PIH1D1: variants seen among roughly 807,000 people sequenced by gnomAD.
PIH1D1 encodes the protein PIH1 domain-containing protein 1.
PIH1D1 carries 28 observed loss-of-function variants against 38.5 expected under a neutral mutation model. The ratio of observed to expected loss-of-function variants is 0.73; its 90% CI spans 0.54 to 1.00. The LOEUF (loss-of-function observed/expected upper bound fraction) is 1.00. PIH1D1 is among the 50% of genes least tolerant of loss of function. The probability of loss-of-function intolerance (pLI) is 0.00; values close to 1 mark genes in which losing one functional copy is unlikely to be tolerated. For missense variants in PIH1D1, 343 were observed against 369.9 expected (o/e 0.93, Z 0.60); for synonymous variants, 155 against 153.5 (o/e 1.01, Z -0.07).
chr19:49,446,911 G>C, intron 7 of PIH1D1, 113 bp downstream of exon 7: 1 of 1,136,504 alleles, frequency 8.8e-7, no homozygotes, highest in Non-Finnish European at 1.3e-6. Context: ...CCTCCTGGCA[G>C]AGAGGACGCA....
intron 2 of PIH1D1, 91 bp downstream of exon 2, chr19:49,450,691 C>CCCCCCCCTTT: frequency 1.4e-6 from 1 of 718,202 alleles, no homozygotes; most frequent in Non-Finnish European, 2.2e-6. Flanking sequence ...CACCCCCACC[C>CCCCCCCCTTT]TAGGCCTTTA....
chr19:49,451,385 T>C (rs772680700), intron 1 of PIH1D1, 100 bp downstream of exon 1: 14 of 1,537,352 alleles, frequency 9.1e-6, no homozygotes, highest in Non-Finnish European at 1.2e-5. Flanking sequence ...CCCCGAGGCC[T>C]GGTTCCCGCC....
rs2293011 is a variant in PIH1D1 at position 49,451,759 on chromosome 19, G to T, written c.-185C>A. On this transcript the variant is annotated 5_prime_UTR_variant, in exon 1 of 9. Transcript: ENST00000262265. ...GACCGAACACCATCGTCAAATCCGT[G>T]GGGAATATGTGTCTCTAGACGCACT... 1,038,535 of 1,408,056 alleles carry T rather than the reference G, an allele frequency of 0.74. 388,477 individuals are homozygous for T. The highest frequency in any genetic ancestry group is 0.86 in the Middle Eastern group (4,626 of 5,404). The allele number at this position is 1,408,056 out of a possible 1,614,324, so 87.2% of individuals were successfully genotyped here. A position where few individuals can be genotyped will look rare whatever the true frequency, so the allele number is the denominator to read the frequency against.
chr19:49,450,783 A>C lies in PIH1D1; in HGVS notation c.156T>G (p.Pro52=). 6.2e-7 allele frequency: 1 copy of C among 1,604,152 alleles called. No individual in the cohort carries two copies. Among genetic ancestry groups the C allele is most frequent in the Non-Finnish European group, 8.5e-7 (1 of 1,178,648 alleles). ...TCTCTCTCCGGTGTCCTTTCTCACC[A>C]GGCTGAGGCTGGATTTGTGTCGATT... ...RPESTQIQPQ[P]GFCIKTNSSE... is the part of the protein sequence containing the mutation. The change falls in exon 2 of 9, where the codon CCT becomes CCG. Residue 52 remains proline (P), a splice_region_variant and synonymous_variant. Coordinates refer to ENST00000262265, the MANE Select transcript of PIH1D1 (RefSeq NM_017916.3).
intron 5 of PIH1D1, 147 bp downstream of exon 5, chr19:49,447,680 G>T: frequency 1.0e-6 from 1 of 978,956 alleles, no homozygotes; most frequent in Non-Finnish European, 1.6e-6. Context: ...TCCTGGCCCC[G>T]CCCCCTCAGG....
rs1158905486 is a variant in PIH1D1, at chr19:49,447,407, G to C, written c.542C>G (p.Ser181Trp). ...CTCCTGGATCCGAGGACGCTGCTCC[G>C]AGCGGATGTTCTGCTGCGAGATGGA... ...MGSISQQNIR[S>W]EQRPRIQELG... is the part of the protein sequence containing the mutation. The change falls in exon 6 of 9, where the codon TCG becomes TGG. Residue 181 changes from serine (S) to tryptophan (W), a missense_variant. Coordinates refer to ENST00000262265, the MANE Select transcript of PIH1D1 (RefSeq NM_017916.3). 6.2e-7 allele frequency: 1 copy of C among 1,613,138 alleles called. No homozygotes were observed. Among genetic ancestry groups the C allele is most frequent in the Admixed American group, 1.7e-5 (1 of 59,998 alleles).
intron 3 of PIH1D1, chr19:49,449,065 A>C: frequency 2.9e-6 from 1 of 346,664 alleles, no homozygotes; most frequent in Non-Finnish European, 5.7e-6. Context: ...GGTGGAGCAC[A>C]CCTGTAATCC....
rs2079029588 is a variant in PIH1D1 at position 49,447,327 on chromosome 19, C to G, written c.611+11G>C. 1.2e-6 allele frequency: 2 copies of G among 1,613,782 alleles called. No individual in the cohort carries two copies. The highest frequency in any genetic ancestry group is 4.5e-5 in the East Asian group (2 of 44,870). The stretch of plus-strand genomic sequence containing the variant: ...AGGAAACATCAGACCGGGGATCTAC[C>G]GAAGGCCCACCCTGACTCAGCTCTC... On this transcript the variant is annotated intron_variant, in intron 6 of 8. Transcript: ENST00000262265.
chr19:49,446,925 G>T, intron 7 of PIH1D1, 99 bp downstream of exon 7: 2 of 1,198,214 alleles, frequency 1.7e-6, no homozygotes, highest in South Asian at 2.5e-5. Flanking sequence ...GGACGCAACT[G>T]ACAAGTCCAG....
chr19:49,446,543 C>A lies in PIH1D1; in HGVS notation c.831+8G>T. 6.2e-7 allele frequency: 1 copy of A among 1,614,016 alleles called. No homozygotes were observed. The highest frequency in any genetic ancestry group is 1.1e-5 in the South Asian group (1 of 91,074). ...GTCCCAGCTTCCCCAAGCCCCTCCC[C>A]CAGGCACCTTTCTCTTCCGGTGGAA... is the stretch of plus-strand genomic sequence containing the variant. On this transcript the variant is annotated splice_region_variant and intron_variant, in intron 8 of 8. Transcript: ENST00000262265.
intron 6 of PIH1D1, 57 bp downstream of exon 6, chr19:49,447,281 G>A (rs1353133693): frequency 5.6e-6 from 9 of 1,603,890 alleles, no homozygotes; most frequent in Non-Finnish European, 7.7e-6. Context: ...AGGATGGAGG[G>A]AGGGATTCCC....
At position 49,447,447 on chromosome 19, in the gene PIH1D1, G is replaced by T; in HGVS notation, c.502C>A (p.Arg168=). The T allele has an allele frequency of 6.2e-7, 1 of 1,610,708 alleles. No homozygotes were observed. ...TGCGAGATGGAGCCCATGAATGGCC[G>T]GTTCTTCATCATGCGCCATTCTGAG... ...LNPEWRMMKN[R]PFMGSISQQN... The change falls in exon 6 of 9, where the codon CGG becomes AGG. Residue 168 remains arginine (R), a synonymous_variant. Coordinates refer to ENST00000262265, the MANE Select transcript of PIH1D1 (RefSeq NM_017916.3).
chr19:49,448,740 T>A (rs897528937), intron 3 of PIH1D1, among the ~76,000 whole-genome samples: 1 of 152,164 alleles, frequency 6.6e-6, no homozygotes, highest in Non-Finnish European at 1.5e-5. Context: ...GAATGTGCAT[T>A]TCATAGGTCC....
rs748558683 is a variant in PIH1D1, at chr19:49,450,976, C to T, written c.91-128G>A. 7 of 1,559,534 alleles carry T rather than the reference C, an allele frequency of 4.5e-6. No homozygotes were observed. The African/African-American group carries it at 8.2e-5, about 18-fold the overall frequency. On this transcript the variant is annotated intron_variant, in intron 1 of 8. Coordinates refer to ENST00000262265, the MANE Select transcript of PIH1D1 (RefSeq NM_017916.3). The stretch of plus-strand genomic sequence containing the variant: ...GCGAGAAATTAGACGGTTTAGGTCC[C>T]CTTTCTCCTTTGAGAACTAGAAGAA...
intron 6 of PIH1D1, 55 bp downstream of exon 6, chr19:49,447,283 G>A (rs1301775522): frequency 3.1e-6 from 5 of 1,604,958 alleles, no homozygotes; most frequent in Non-Finnish European, 4.3e-6. Flanking sequence ...GATGGAGGGA[G>A]GGATTCCCAA....
At chr19:49,449,792 CTCTTT>C (rs1568641855) in intron 2 of PIH1D1, 138 bp from the exon 3 acceptor site, 2 of 549,746 alleles carry the variant, frequency 3.6e-6, no homozygotes, top group Non-Finnish European at 6.2e-6. Flanking sequence ...TCCCTCACTT[CTCTTT>C]TTTTTTTTTT....
chr19:49,447,414 T>G lies in PIH1D1; in HGVS notation c.535A>C (p.Ile179Leu), dbSNP rs1395138346. 6.2e-7 allele frequency: 1 copy of G among 1,613,024 alleles called. No individual in the cohort carries two copies. Among genetic ancestry groups the G allele is most frequent in the East Asian group, 2.2e-5 (1 of 44,852 alleles). Residue 179 changes from isoleucine (I) to leucine (L), a missense_variant, in exon 6 of 9, where the codon ATC (isoleucine) becomes CTC (leucine). By Grantham distance (5) the Ile-to-Leu change is conservative (BLOSUM62 2). Transcript: ENST00000262265. ...ATCCGAGGACGCTGCTCCGAGCGGA[T>G]GTTCTGCTGCGAGATGGAGCCCATG... Reference protein sequence around the residue: ...PFMGSISQQNIRSEQRPRIQE... With the variant: ...PFMGSISQQNLRSEQRPRIQE...
intron 2 of PIH1D1, among the ~76,000 whole-genome samples, chr19:49,450,438 A>G (rs2122336223): frequency 6.6e-6 from 1 of 151,974 alleles, no homozygotes; most frequent in African/African-American, 2.4e-5. Context: ...TTTGTTTTTG[A>G]GACAGAGTCT....
chr19:49,448,961 G>C (rs1025600318), intron 3 of PIH1D1: 1 of 287,738 alleles, frequency 3.5e-6, no homozygotes, highest in Non-Finnish European at 6.8e-6. Context: ...CGGAGGCTGA[G>C]GCGGTGGATC....
Sources: gnomAD v4.1 joint callset for allele counts (sites outside exome capture counted in the v4.1 genomes callset) on GRCh38, gnomAD v4.1.1 for gene constraint, MANE v1.5 for transcripts, NCBI Gene and HGNC (gene_info 2026-07-23, HGNC 2026-07-21) for gene names.